The following FAM81A variants were observed in gnomAD, a reference collection of about 807,000 sequenced individuals.
The protein encoded by FAM81A is family with sequence similarity 81 member A, also known as protein FAM81A.
In FAM81A, 19 loss-of-function variants were observed where a neutral mutation model predicts 46.7. The observed-to-expected ratio is 0.41, with a 90% CI of 0.28 to 0.60. The LOEUF (loss-of-function observed/expected upper bound fraction) is 0.60, where lower values mean the gene tolerates loss of function less well. FAM81A is among the 20% of genes least tolerant of loss of function. FAM81A has a pLI of 0.34. For synonymous variants in FAM81A, 183 were observed against 152.9 expected, an observed-to-expected ratio of 1.20 and a Z score of -1.45; for missense variants, 377 against 453.5, an observed-to-expected ratio of 0.83 and a Z score of 1.53.
intron 2 of FAM81A, among the ~76,000 whole-genome samples, chr15:59,431,929 C>CTG (rs1198646879): frequency 6.6e-6 from 1 of 152,128 alleles, no homozygotes; most frequent in Non-Finnish European, 1.5e-5. Flanking sequence ...CTTGGGAAAC[C>CTG]TGTGTGTGTG....
intron 4 of FAM81A, 71 bp downstream of exon 4, chr15:59,492,460 T>C: frequency 8.4e-7 from 1 of 1,197,248 alleles, no homozygotes; most frequent in Non-Finnish European, 1.2e-6. Context: ...TAGTGGGGAA[T>C]ATATTAATGA....
intron 2 of FAM81A, among the ~76,000 whole-genome samples, chr15:59,432,887 G>A (rs1370535980): frequency 1.3e-5 from 2 of 151,874 alleles, no homozygotes; most frequent in Non-Finnish European, 2.9e-5. Flanking sequence ...TGTAATCCCA[G>A]CACTTTGGGA....
chr15:59,427,220 C>T (rs1369763117), intron 2 of FAM81A, among the ~76,000 whole-genome samples: 2 of 152,174 alleles, frequency 1.3e-5, no homozygotes, highest in South Asian at 2.1e-4. Context: ...AAGTGATTCT[C>T]CTGCTTCAGC....
intron 3 of FAM81A, among the ~76,000 whole-genome samples, chr15:59,485,980 A>G (rs1489715358): frequency 6.6e-6 from 1 of 152,350 alleles, no homozygotes; most frequent in South Asian, 2.1e-4. Flanking sequence ...GAAGTTCGAG[A>G]CCAGCCTGGC....
rs78523965 is a variant in FAM81A, at chr15:59,411,239, G to A, written c.-78+8881G>A. Among the ~76,000 whole-genome samples, 163 of 152,302 alleles carry A rather than the reference G, an allele frequency of 1.1e-3. 3 individuals are homozygous for A. The East Asian group carries it at 0.03, about 28-fold the overall frequency. On this transcript the variant is annotated intron_variant, in intron 2 of 4. Coordinates refer to the FAM81A transcript ENST00000558348. ...AGAGCACAGGCTGGGATTTGCTTTG[G>A]GAACAGTCGCTGGGGCAGAGGATGC...
chr15:59,498,305 T>C (rs57126381), intron 4 of FAM81A, among the ~76,000 whole-genome samples: 4,502 of 152,322 alleles, frequency 0.03, 238 homozygotes, highest in African/African-American at 0.1. Flanking sequence ...GATGCTATTG[T>C]AAATAGCAAA....
At chr15:59,507,415 T>G in intron 5 of FAM81A, 73 bp downstream of exon 5, 1 of 1,551,146 alleles carries the variant, frequency 6.4e-7, no homozygotes, top group Non-Finnish European at 8.7e-7. Flanking sequence ...GTGTTGATTA[T>G]TTCTTACAGG....
At position 59,453,053 on chromosome 15, in the gene FAM81A, G is replaced by A. The variant is rs191488772; in HGVS notation, c.-77-5497G>A. 4.0e-3 allele frequency among the ~76,000 whole-genome samples: 615 copies of A among 152,278 alleles called. 1 individual carries two copies. The highest frequency in any genetic ancestry group is 6.7e-3 in the Non-Finnish European group (453 of 68,020). On this transcript the variant is annotated intron_variant, in intron 1 of 8. Coordinates refer to ENST00000288228, the MANE Select transcript of FAM81A (RefSeq NM_152450.3). ...GCTGGGATCATAGGCATGAGCCACC[G>A]CTCCTGGCTGAAAGTTTTATTTTAA...
intron 3 of FAM81A, among the ~76,000 whole-genome samples, chr15:59,484,867 T>G (rs2081898390): frequency 6.6e-6 from 1 of 152,144 alleles, no homozygotes; most frequent in Non-Finnish European, 1.5e-5. Context: ...GATCTCTAGA[T>G]GTACCCTGGG....
chr15:59,512,070 A>G (rs1215256198), intron 6 of FAM81A, among the ~76,000 whole-genome samples: 1 of 152,276 alleles, frequency 6.6e-6, no homozygotes, highest in African/African-American at 2.4e-5. Flanking sequence ...AACAATGAAA[A>G]TGAATTCACT....
At chr15:59,489,064 G>A (rs1293502641) in intron 3 of FAM81A, among the ~76,000 whole-genome samples, 2 of 152,156 alleles carry the variant, frequency 1.3e-5, no homozygotes, top group Non-Finnish European at 2.9e-5. Flanking sequence ...AGGAGATCGA[G>A]ACCATACTGG....
At chr15:59,408,159 G>C (rs2081104944) in intron 2 of FAM81A, 1 of 154,754 alleles carries the variant, frequency 6.5e-6, no homozygotes, top group African/African-American at 2.4e-5. Context: ...TGGCATCTTG[G>C]GCGGTGGGAG....
chr15:59,430,674 TAGA>T (rs2141563949), intron 2 of FAM81A, among the ~76,000 whole-genome samples: 1 of 152,298 alleles, frequency 6.6e-6, no homozygotes, highest in African/African-American at 2.4e-5. Flanking sequence ...CTCATTGCTT[TAGA>T]AGAAGAGAGA....
chr15:59,445,127 C>G (rs2081340433), intron 1 of FAM81A: 1 of 152,138 alleles, frequency 6.6e-6, no homozygotes, highest in Admixed American at 6.5e-5. Context: ...TGGCGAGCTG[C>G]TGAGCTTACT....
intron 3 of FAM81A, among the ~76,000 whole-genome samples, chr15:59,464,630 T>G (rs2081590954): frequency 6.6e-6 from 1 of 152,174 alleles, no homozygotes; most frequent in African/African-American, 2.4e-5. Context: ...TGAGAAATAT[T>G]TGTTCAAATC....
At chr15:59,421,114 AGGAGGTC>A (rs1288015244) in intron 2 of FAM81A, among the ~76,000 whole-genome samples, 1 of 152,224 alleles carries the variant, frequency 6.6e-6, no homozygotes, top group Non-Finnish European at 1.5e-5. Context: ...ACGAATCAGC[AGGAGGTC>A]TTGTTAAAAT....
rs1433120433 is a variant in FAM81A at position 59,522,857 on chromosome 15, A to C, written c.*1479A>C. On this transcript the variant is annotated 3_prime_UTR_variant, in exon 9 of 9. Coordinates refer to ENST00000288228, the MANE Select transcript of FAM81A (RefSeq NM_152450.3). ...CTGCTAAAGTACATATTTTGCTGTC[A>C]ATGGCTTGACAATTTTTTTTTTCAA... 1.3e-5 allele frequency: 2 copies of C among 152,632 alleles called. No homozygotes were observed. The highest frequency in any genetic ancestry group is 4.8e-5 in the African/African-American group (2 of 41,454). The allele number at this position is 152,632 out of a possible 1,614,324, so 9.5% of individuals were successfully genotyped here. A position where few individuals can be genotyped will look rare whatever the true frequency, so the allele number is the denominator to read the frequency against.
chr15:59,439,135 C>A (rs1288327479), intron 1 of FAM81A: 1 of 149,388 alleles, frequency 6.7e-6, no homozygotes, highest in African/African-American at 2.5e-5. Flanking sequence ...TGCGTGTGTG[C>A]GCGTGCGCTC....
At chr15:59,491,192 G>C (rs1028295632) in intron 3 of FAM81A, among the ~76,000 whole-genome samples, 1 of 152,222 alleles carries the variant, frequency 6.6e-6, no homozygotes, top group Non-Finnish European at 1.5e-5. Flanking sequence ...AATGGATAAA[G>C]AAGTGTGGTA....
Sources: gnomAD v4.1 joint callset for allele counts (sites outside exome capture counted in the v4.1 genomes callset) on GRCh38, gnomAD v4.1.1 for gene constraint, MANE v1.5 for transcripts, NCBI Gene and HGNC (gene_info 2026-07-23, HGNC 2026-07-21) for gene names.